The following RPL28 variants were observed in gnomAD, a reference collection of about 807,000 sequenced individuals.
The protein encoded by RPL28 is ribosomal protein L28.
A neutral mutation model predicts 12.5 loss-of-function variants in RPL28; 4 were observed. That is an observed-to-expected ratio of 0.32 (90% CI 0.16 to 0.73). The LOEUF (loss-of-function observed/expected upper bound fraction) is 0.73. Ranked by LOEUF, RPL28 falls within the 30% of genes least tolerant of loss-of-function variation. RPL28 has a pLI of 0.66. For missense variants in RPL28, 214 were observed against 197.7 expected (o/e 1.08, Z -0.49); for synonymous variants, 91 against 72.5 (o/e 1.26, Z -1.30).
exon 5 of RPL28, chr19:55,403,185 C>T: frequency 1.5e-6 from 1 of 664,012 alleles, no homozygotes; most frequent in Middle Eastern, 2.9e-4. Context: ...GGCAAAATCA[C>T]CTCTGGCTGA....
At position 55,402,942 on chromosome 19, in the gene RPL28, G is replaced by T; in HGVS notation, c.325-1G>T. 2.0e-6 allele frequency: 3 copies of T among 1,511,382 alleles called. No individual in the cohort carries two copies. Among genetic ancestry groups the T allele is most frequent in the Admixed American group, 2.2e-5 (1 of 44,682 alleles). The allele number at this position is 1,511,382 out of a possible 1,614,324, so 93.6% of individuals were successfully genotyped here. A position where few individuals can be genotyped will look rare whatever the true frequency, so the allele number is the denominator to read the frequency against. ...ATTTGGTTAACTTTTTTTTTTTTCAGCTTGCGGGAAGGGTTGGGAGGCAGC... is the reference window on the plus strand; with the variant it reads ...ATTTGGTTAACTTTTTTTTTTTTCATCTTGCGGGAAGGGTTGGGAGGCAGC... On this transcript the variant is annotated splice_acceptor_variant, in intron 4 of 4. Coordinates refer to the RPL28 transcript ENST00000560055. LOFTEE classifies it high-confidence loss of function.
Position 55,391,460 on chromosome 19 carries a change from G to C in RPL28, c.*3128G>C. 1.5e-6 allele frequency: 2 copies of C among 1,364,490 alleles called. No individual in the cohort carries two copies. Among genetic ancestry groups the C allele is most frequent in the Non-Finnish European group, 1.9e-6 (2 of 1,049,156 alleles). 84.5% of individuals were successfully genotyped at this position (1,364,490 alleles called of 1,614,324 possible). A position where few individuals can be genotyped will look rare whatever the true frequency, so the allele number is the denominator to read the frequency against. On this transcript the variant is annotated 3_prime_UTR_variant, in exon 5 of 5. Transcript: ENST00000344063. ...GTGAGTGAGCGTAGGGCGCACCCTG[G>C]AAGGCTGCCAAGCCCAAAGTTGTGC...
downstream of RPL28, among the ~76,000 whole-genome samples, chr19:55,395,774 A>G (rs866050055): frequency 6.6e-6 from 1 of 152,168 alleles, no homozygotes; most frequent in Non-Finnish European, 1.5e-5. Context: ...AAAAATTTCT[A>G]TAATGAAATG....
rs1428238916 is a variant in RPL28, at chr19:55,390,083, C to T, written c.*1751C>T. 4.1e-6 allele frequency: 4 copies of T among 985,530 alleles called. No homozygotes were observed. In the South Asian group the frequency reaches 1.9e-4, roughly 46 times the overall value. The allele number at this position is 985,530 out of a possible 1,614,324, so 61.0% of individuals were successfully genotyped here. ...GCAGCCCACAAGCTGGCAGGTTTATCTGTCTCATGTTTGTCTTGTGCTGGT... is the reference window on the plus strand; with the variant it reads ...GCAGCCCACAAGCTGGCAGGTTTATTTGTCTCATGTTTGTCTTGTGCTGGT... On this transcript the variant is annotated 3_prime_UTR_variant, in exon 5 of 5. Coordinates refer to ENST00000344063, the MANE Select transcript of RPL28 (RefSeq NM_000991.5).
downstream of RPL28, among the ~76,000 whole-genome samples, chr19:55,396,025 C>A (rs149856733): frequency 1.6e-3 from 241 of 152,138 alleles, no homozygotes; most frequent in African/African-American, 5.5e-3. Flanking sequence ...TGCCTGTTAT[C>A]CTTGCACTTT....
rs760970089 is a variant in RPL28 at position 55,388,019 on chromosome 19, A to G, written c.295A>G (p.Lys99Glu). The change falls in exon 4 of 5, where the codon AAG becomes GAG. Residue 99 changes from lysine to glutamate, a missense_variant. By Grantham distance (56) the Lys-to-Glu change is moderately conservative. Coordinates refer to ENST00000344063, the MANE Select transcript of RPL28 (RefSeq NM_000991.5). ...TLSSIRHMIR[K>E]NKYRPDLRMA... Reference sequence around the variant, plus strand: ...CAGCAGCATCAGACACATGATCCGCAAGAACAAGTACCGCCCCGACCTGCG... The same window carrying G: ...CAGCAGCATCAGACACATGATCCGCGAGAACAAGTACCGCCCCGACCTGCG... 3 of 1,613,774 alleles carry G rather than the reference A, an allele frequency of 1.9e-6. No individual in the cohort carries two copies. The highest frequency in any genetic ancestry group is 2.2e-5 in the East Asian group (1 of 44,860).
chr19:55,387,517 G>A, intron 3 of RPL28: 1 of 1,441,154 alleles, frequency 6.9e-7, no homozygotes, highest in Non-Finnish European at 9.1e-7. Context: ...TAAGGGACTG[G>A]CCTGAGTGAG....
Position 55,389,714 on chromosome 19 carries a change from T to C in RPL28, c.*1382T>C, listed in dbSNP as rs956579476. On this transcript the variant is annotated 3_prime_UTR_variant, in exon 5 of 5. Transcript: ENST00000344063. ...ACCACTTGCCAGCCCCTGTCTGCTG[T>C]GAATTACCATTTCCTTTGTCCTTCC... is the stretch of plus-strand genomic sequence containing the variant. The C allele has an allele frequency of 1.0e-6, 1 of 985,476 alleles. No homozygotes were observed. The highest frequency in any genetic ancestry group is 1.7e-5 in the African/African-American group (1 of 57,258). The allele number at this position is 985,476 out of a possible 1,614,324, so 61.0% of individuals were successfully genotyped here. A position where few individuals can be genotyped will look rare whatever the true frequency, so the allele number is the denominator to read the frequency against.
chr19:55,386,886 T>C, intron 3 of RPL28, 193 bp downstream of exon 3: 1 of 1,532,734 alleles, frequency 6.5e-7, no homozygotes, highest in African/African-American at 1.4e-5. Flanking sequence ...TCTGAGCCCG[T>C]GTCCTCACCT....
Position 55,386,362 on chromosome 19 carries a change from C to G in RPL28, c.5C>G (p.Ser2Cys), listed in dbSNP as rs1226230796. The change falls in exon 2 of 5, where the codon TCT (serine) becomes TGT (cysteine). Residue 2 changes from serine to cysteine, a missense_variant. Physicochemically the swap from Ser to Cys is moderately radical, Grantham distance 112. Coordinates refer to ENST00000344063, the MANE Select transcript of RPL28 (RefSeq NM_000991.5). Reference protein sequence around the residue: MSAHLQWMVVRN... With the variant: MCAHLQWMVVRN... ...CGTTTCCCCGCAGCCGCCGCCATGT[C>G]TGCGCATCTGCAATGGATGGTCGTG... is the stretch of plus-strand genomic sequence containing the variant. 6.2e-7 allele frequency: 1 copy of G among 1,613,894 alleles called. No individual in the cohort carries two copies. Among genetic ancestry groups the G allele is most frequent in the Non-Finnish European group, 8.5e-7 (1 of 1,180,006 alleles).
In RPL28 at chr19:55,389,901, A is replaced by G; in HGVS notation, c.*1569A>G. 1.0e-6 allele frequency: 1 copy of G among 985,398 alleles called. No homozygotes were observed. The highest frequency in any genetic ancestry group is 1.2e-6 in the Non-Finnish European group (1 of 830,066). The allele number at this position is 985,398 out of a possible 1,614,324, so 61.0% of individuals were successfully genotyped here. Reference sequence around the variant, plus strand: ...ACTTCGTACCTGCTCAGGAGCCCCCACTGTCCCAGTCCCACTCAGGCCCAT... The same window carrying G: ...ACTTCGTACCTGCTCAGGAGCCCCCGCTGTCCCAGTCCCACTCAGGCCCAT... On this transcript the variant is annotated 3_prime_UTR_variant, in exon 5 of 5. Transcript: ENST00000344063.
chr19:55,393,723 A>C (rs1487602820), downstream of RPL28, among the ~76,000 whole-genome samples: 1 of 145,920 alleles, frequency 6.9e-6, no homozygotes, highest in Non-Finnish European at 1.5e-5. Context: ...ACCTCAGCTC[A>C]CTGCAACCTC....
At chr19:55,398,342 C>A (rs12977341) in intron 4 of RPL28, among the ~76,000 whole-genome samples, 15,114 of 152,090 alleles carry the variant, frequency 0.099, 1,174 homozygotes, top group African/African-American at 0.2. Flanking sequence ...AAACCGAAAC[C>A]AAAAAGGTTG....
chr19:55,394,200 A>C (rs572256435), downstream of RPL28, among the ~76,000 whole-genome samples: 115 of 152,094 alleles, frequency 7.6e-4, no homozygotes, highest in Middle Eastern at 3.2e-3. Context: ...AGGCGGAGGT[A>C]GCAGTGAGCC....
At chr19:55,397,412 C>T (rs749354684) in intron 4 of RPL28, among the ~76,000 whole-genome samples, 136 of 152,280 alleles carry the variant, frequency 8.9e-4, no homozygotes, top group South Asian at 2.1e-4. Context: ...CGGAGTCTCG[C>T]TCTGTCTCCC....
Position 55,386,243 on chromosome 19 carries a change from C to G in RPL28, c.-8-107C>G, listed in dbSNP as rs369371128. On this transcript the variant is annotated intron_variant, in intron 1 of 4. Transcript: ENST00000344063. ...CTGCCCTCAGGGGTCTCCCATTCACCCAAGTTCCCAGTCGCTCTCTTCCTC... is the reference window on the plus strand; with the variant it reads ...CTGCCCTCAGGGGTCTCCCATTCACGCAAGTTCCCAGTCGCTCTCTTCCTC... The G allele has an allele frequency of 5.8e-6, 6 of 1,041,318 alleles. No individual in the cohort carries two copies. The African/African-American group carries it at 6.3e-5, about 11-fold the overall frequency. The allele number at this position is 1,041,318 out of a possible 1,614,324, so 64.5% of individuals were successfully genotyped here.
At chr19:55,387,020 C>A in intron 3 of RPL28, 1 of 1,441,556 alleles carries the variant, frequency 6.9e-7, no homozygotes, top group South Asian at 1.5e-5. Flanking sequence ...TGGTTTCATC[C>A]CACAGGTGGG....
downstream of RPL28, among the ~76,000 whole-genome samples, chr19:55,395,592 C>T (rs1327385291): frequency 4.0e-5 from 6 of 151,892 alleles, no homozygotes; most frequent in South Asian, 2.1e-4. Context: ...TACAGGCGCC[C>T]ACCACCACAC....
chr19:55,393,290 TTC>T (rs2090003424), downstream of RPL28, among the ~76,000 whole-genome samples: 1 of 112,510 alleles, frequency 8.9e-6, no homozygotes, highest in Non-Finnish European at 1.7e-5. Flanking sequence ...GCCCAAACCT[TTC>T]TCTAGGGCCA....
Sources: gnomAD v4.1 joint callset for allele counts (sites outside exome capture counted in the v4.1 genomes callset) on GRCh38, gnomAD v4.1.1 for gene constraint, MANE v1.5 for transcripts, NCBI Gene and HGNC (gene_info 2026-07-23, HGNC 2026-07-21) for gene names.